GPRIN1: variants seen among roughly 807,000 people sequenced by gnomAD.
The protein encoded by GPRIN1 is G protein-regulated inducer of neurite outgrowth 1.
In GPRIN1, 4 loss-of-function variants were observed where a neutral mutation model predicts 2.8. The observed-to-expected ratio is 1.45, with a 90% CI of 0.71 to 3.32. The LOEUF (loss-of-function observed/expected upper bound fraction) is 3.32, where lower values mean the gene tolerates loss of function less well. Ranked by LOEUF, GPRIN1 falls within the 30% of genes most tolerant of loss-of-function variation. The pLI, the probability that GPRIN1 is intolerant of heterozygous loss-of-function variation, is 0.01. For synonymous variants in GPRIN1, 589 were observed against 589.9 expected, an observed-to-expected ratio of 1.00 and a Z score of 0.02; for missense variants, 1,322 against 1,343.4, an observed-to-expected ratio of 0.98 and a Z score of 0.25.
chr5:176,604,638 T>G lies in GPRIN1; in HGVS notation c.-43-4761A>C, dbSNP rs542602539. Among the ~76,000 whole-genome samples, 6 of 152,276 alleles carry G rather than the reference T, an allele frequency of 3.9e-5. No homozygotes were observed. In the South Asian group the frequency reaches 6.2e-4, roughly 16 times the overall value. ...CTAGTGAGCCACTGTATCCCGCCCC[T>G]TGGAAGTATTTAAGCAGGGAAGTGA... On this transcript the variant is annotated intron_variant, in intron 1 of 1. Transcript: ENST00000303991.
Position 176,595,803 on chromosome 5 carries a change from T to G in GPRIN1, c.*1005A>C. The G allele has an allele frequency of 1.1e-6, 1 of 926,516 alleles. No homozygotes were observed. The highest frequency in any genetic ancestry group is 2.2e-5 in the South Asian group (1 of 45,454). The allele number at this position is 926,516 out of a possible 1,614,324, so 57.4% of individuals were successfully genotyped here. ...TTGGCCAATCACGGCAGACAGGGGT[T>G]GGGGAAATATTTTATTACCAATGTA... On this transcript the variant is annotated 3_prime_UTR_variant, in exon 2 of 2. Transcript: ENST00000303991.
chr5:176,608,581 T>G (rs1759261142), intron 1 of GPRIN1, among the ~76,000 whole-genome samples: 1 of 152,258 alleles, frequency 6.6e-6, no homozygotes, highest in African/African-American at 2.4e-5. Flanking sequence ...GTTGTGCGTA[T>G]GTACACCCTG....
In GPRIN1 at chr5:176,598,286, C is replaced by T. The variant is rs148346330; in HGVS notation, c.1549G>A (p.Gly517Arg). 5.8e-4 allele frequency: 934 copies of T among 1,613,754 alleles called. 12 individuals are homozygous for T. In the East Asian group the frequency reaches 0.015, roughly 26 times the overall value. The change falls in exon 2 of 2, where the codon GGA becomes AGA. Residue 517 changes from glycine to arginine, a missense_variant. Around this residue, in one of 3 missense-constraint regions of GPRIN1, gnomAD observed 1,117 missense variants for 1,128.6 expected, o/e 0.99. Transcript: ENST00000303991. The stretch of plus-strand genomic sequence containing the variant: ...TCCGAGGACAGGGGATCTCCTTTTC[C>T]CCCCGTCGCTGGCTCAGCCTTTACT... The part of the protein sequence containing the change: ...SAVKAEPATG[G>R]KGDPLSSEKA...
In GPRIN1 at chr5:176,597,236, C is replaced by T; in HGVS notation, c.2599G>A (p.Glu867Lys). 8.0e-7 allele frequency: 1 copy of T among 1,255,800 alleles called. No individual in the cohort carries two copies. The highest frequency in any genetic ancestry group is 1.0e-6 in the Non-Finnish European group (1 of 1,002,030). 77.8% of individuals were successfully genotyped at this position (1,255,800 alleles called of 1,614,324 possible). A position where few individuals can be genotyped will look rare whatever the true frequency, so the allele number is the denominator to read the frequency against. Residue 867 changes from glutamate to lysine, a missense_variant, in exon 2 of 2, where the codon GAG (glutamate) becomes AAG (lysine). Around this residue, in one of 3 missense-constraint regions of GPRIN1, gnomAD observed 1,117 missense variants for 1,128.6 expected, o/e 0.99. Coordinates refer to ENST00000303991, the MANE Select transcript of GPRIN1 (RefSeq NM_052899.3). The surrounding 1 kb of genome is among the most constrained non-coding windows in gnomAD (Gnocchi z 6.1). ...GGCCCAGTGGCCACGGAGCGCGTCT[C>T]GGCGGCGCCCAGCGACACCTGCAGG... The part of the protein sequence containing the change: ...AGLQVSLGAA[E>K]TRSVATGPMT...
chr5:176,601,917 C>T (rs1315734563), intron 1 of GPRIN1, among the ~76,000 whole-genome samples: 2 of 152,168 alleles, frequency 1.3e-5, no homozygotes, highest in East Asian at 3.9e-4. Context: ...AACACAGCAG[C>T]CAGAGGGATC....
rs1046542652 is a variant in GPRIN1, at chr5:176,602,460, A to G, written c.-43-2583T>C. On this transcript the variant is annotated intron_variant, in intron 1 of 1. Transcript: ENST00000303991. The surrounding 1 kb of genome is among the most constrained non-coding windows in gnomAD (Gnocchi z 4.4). ...ATCCCAGAGTTGAGACCTGGCACAC[A>G]TGCAGTAAGCAAGGAAGATCCTCAT... Among the ~76,000 whole-genome samples the G allele has an allele frequency of 2.0e-5, 3 of 152,288 alleles. No homozygotes were observed. In the East Asian group the frequency reaches 5.8e-4, roughly 29 times the overall value.
rs563022980 is a variant in GPRIN1, at chr5:176,598,990, T to G, written c.845A>C (p.Asp282Ala). The change falls in exon 2 of 2, where the codon GAT becomes GCT. Residue 282 changes from aspartate to alanine, a missense_variant. By Grantham distance (126) the Asp-to-Ala change is moderately radical. This residue lies in a region of GPRIN1 where 1,117 missense variants were observed against 1,128.6 expected (regional missense o/e 0.99). Transcript: ENST00000303991. ...ATCTCTCTTTCCCGACAATACAAGA[T>G]CTACCTTTTCTGCAGATGTAGGAGC... ...KVAPTSAEKV[D>A]LVLSGKRDPG... 7 of 1,614,182 alleles carry G rather than the reference T, an allele frequency of 4.3e-6. No homozygotes were observed. The highest frequency in any genetic ancestry group is 1.7e-5 in the Admixed American group (1 of 60,026).
chr5:176,604,710 G>A (rs559611447), intron 1 of GPRIN1, among the ~76,000 whole-genome samples: 1 of 152,124 alleles, frequency 6.6e-6, no homozygotes, highest in South Asian at 2.1e-4. Flanking sequence ...TTTTAGCTAA[G>A]TCATAAATCT....
Position 176,597,321 on chromosome 5 carries a change from C to G in GPRIN1, c.2514G>C (p.Ser838=), listed in dbSNP as rs541701077. ...GCGGCGCCGCCTGGAAGCTGAAGGC[C>G]GAGCCCCCAGCGCCGTCCTGCGGAG... ...PMSPQDGAGG[S]AFSFQAAPRA... The change falls in exon 2 of 2, where the codon TCG becomes TCC. Residue 838 remains serine, a synonymous_variant. Transcript: ENST00000303991. This position sits in a 1 kb window ranked among gnomAD's most constrained non-coding sequence, Gnocchi z 6.1. 577 of 1,236,242 alleles carry G rather than the reference C, an allele frequency of 4.7e-4. No homozygotes were observed. Among genetic ancestry groups the G allele is most frequent in the Middle Eastern group, 3.1e-3 (10 of 3,192 alleles). 76.6% of individuals were successfully genotyped at this position (1,236,242 alleles called of 1,614,324 possible). A position where few individuals can be genotyped will look rare whatever the true frequency, so the allele number is the denominator to read the frequency against.
chr5:176,596,928 G>A lies in GPRIN1; in HGVS notation c.2907C>T (p.Gly969=), dbSNP rs565839651. 281 of 1,217,148 alleles carry A rather than the reference G, an allele frequency of 2.3e-4. No individual in the cohort carries two copies. In the Admixed American group the frequency reaches 5.6e-3, roughly 24 times the overall value. The allele number at this position is 1,217,148 out of a possible 1,614,324, so 75.4% of individuals were successfully genotyped here. The change falls in exon 2 of 2, where the codon GGC becomes GGT. Residue 969 remains glycine, a synonymous_variant. Transcript: ENST00000303991. The surrounding 1 kb of genome is among the most constrained non-coding windows in gnomAD (Gnocchi z 5.2). Reference sequence around the variant, plus strand: ...CATCTGGGGGCGCGGTGCGCACCGAGCCCGAACGGCCGGGGCCGGCACGGG... The same window carrying A: ...CATCTGGGGGCGCGGTGCGCACCGAACCCGAACGGCCGGGGCCGGCACGGG... The part of the protein sequence containing the change: ...PAARAGPGRS[G]SVRTAPPDGA...
Position 176,597,417 on chromosome 5 carries a change from C to T in GPRIN1, c.2418G>A (p.Pro806=). The change falls in exon 2 of 2, where the codon CCG becomes CCA. Residue 806 remains proline, a synonymous_variant. Coordinates refer to ENST00000303991, the MANE Select transcript of GPRIN1 (RefSeq NM_052899.3). The surrounding 1 kb of genome is among the most constrained non-coding windows in gnomAD (Gnocchi z 6.1). ...GAGTGCCCGCGTCCTCGCGCGGCGG[C>T]GGCGGGGCGCTCGCCTCCCACGACG... ...KAPSWEASAP[P]PPREDAGTQA... 1 of 1,294,558 alleles carries T rather than the reference C, an allele frequency of 7.7e-7. No homozygotes were observed. Among genetic ancestry groups the T allele is most frequent in the Non-Finnish European group, 9.7e-7 (1 of 1,026,092 alleles). The allele number at this position is 1,294,558 out of a possible 1,614,324, so 80.2% of individuals were successfully genotyped here.
intron 1 of GPRIN1, among the ~76,000 whole-genome samples, chr5:176,601,546 G>A (rs1431179619): frequency 6.6e-6 from 1 of 152,158 alleles, no homozygotes; most frequent in Non-Finnish European, 1.5e-5. Flanking sequence ...ATGGTGCTGA[G>A]CAGGAGATGT....
At chr5:176,605,291 C>A (rs923585616) in intron 1 of GPRIN1, among the ~76,000 whole-genome samples, 1 of 151,922 alleles carries the variant, frequency 6.6e-6, no homozygotes, top group Non-Finnish European at 1.5e-5. Flanking sequence ...GACAGAGTTT[C>A]ACCGTGTTGG....
At chr5:176,607,497 C>T (rs1313998069) in intron 1 of GPRIN1, among the ~76,000 whole-genome samples, 8 of 152,178 alleles carry the variant, frequency 5.3e-5, no homozygotes, top group Non-Finnish European at 1.0e-4. Context: ...GCATGTGCCA[C>T]GACACCTGGC....
At chr5:176,606,158 C>G (rs956272241) in intron 1 of GPRIN1, among the ~76,000 whole-genome samples, 1 of 152,112 alleles carries the variant, frequency 6.6e-6, no homozygotes, top group African/African-American at 2.4e-5. Context: ...CCTTGGGGAC[C>G]CTGAAGAACC....
Position 176,597,078 on chromosome 5 carries a change from G to T in GPRIN1, c.2757C>A (p.Gly919=). The part of the protein sequence containing the change: ...PVRDVSWDEK[G]MTWEVYGAAM... ...CGGCGCCGTATACCTCCCACGTCAT[G>T]CCCTTCTCGTCCCAGCTCACGTCTC... Residue 919 remains glycine (G), a synonymous_variant, in exon 2 of 2, where the codon GGC becomes GGA. Coordinates refer to ENST00000303991, the MANE Select transcript of GPRIN1 (RefSeq NM_052899.3). The surrounding 1 kb of genome is among the most constrained non-coding windows in gnomAD (Gnocchi z 6.1). 1 of 1,504,778 alleles carries T rather than the reference G, an allele frequency of 6.6e-7. No individual in the cohort carries two copies. Among genetic ancestry groups the T allele is most frequent in the South Asian group, 1.3e-5 (1 of 79,772 alleles). 93.2% of individuals were successfully genotyped at this position (1,504,778 alleles called of 1,614,324 possible).
Position 176,596,007 on chromosome 5 carries a change from C to G in GPRIN1, c.*801G>C, listed in dbSNP as rs1759025695. On this transcript the variant is annotated 3_prime_UTR_variant, in exon 2 of 2. Transcript: ENST00000303991. This position sits in a 1 kb window ranked among gnomAD's most constrained non-coding sequence, Gnocchi z 5.2. ...GTCCTGTCCCCAATACCCAAGAACA[C>G]CGGTCACCCAGGATGCCAGGGCCCA... 1 of 194,460 alleles carries G rather than the reference C, an allele frequency of 5.1e-6. No homozygotes were observed. Among genetic ancestry groups the G allele is most frequent in the African/African-American group, 2.3e-5 (1 of 43,078 alleles). 12.0% of individuals were successfully genotyped at this position (194,460 alleles called of 1,614,324 possible).
At chr5:176,607,901 C>G (rs796868823) in intron 1 of GPRIN1, among the ~76,000 whole-genome samples, 14 of 95,940 alleles carry the variant, frequency 1.5e-4, no homozygotes, top group African/African-American at 5.3e-4. Flanking sequence ...TGACACTTGG[C>G]TCTTTTTTTT....
intron 1 of GPRIN1, among the ~76,000 whole-genome samples, chr5:176,607,393 GA>G (rs1759236625): frequency 6.6e-6 from 1 of 152,234 alleles, no homozygotes; most frequent in Non-Finnish European, 1.5e-5. Context: ...GCCTAGGCCG[GA>G]GTGCAGTGGC....
Sources: gnomAD v4.1 joint callset for allele counts (sites outside exome capture counted in the v4.1 genomes callset) on GRCh38, gnomAD v4.1.1 for gene constraint, gnomAD v4.1.1 regional missense constraint, Gnocchi (gnomAD v3.1) non-coding constraint, MANE v1.5 for transcripts, NCBI Gene and HGNC (gene_info 2026-07-23, HGNC 2026-07-21) for gene names.